PADI4: variants seen among roughly 807,000 people sequenced by gnomAD.
PADI4 encodes protein-arginine deiminase type-4.
In PADI4, 62 loss-of-function variants were observed where a neutral mutation model predicts 75.0. The ratio of observed to expected loss-of-function variants is 0.83; its 90% CI spans 0.67 to 1.02. The LOEUF (loss-of-function observed/expected upper bound fraction) is 1.02, where lower values mean the gene tolerates loss of function less well. Ranked by LOEUF, PADI4 falls within the 50% of genes least tolerant of loss-of-function variation. The pLI, the probability that PADI4 is intolerant of heterozygous loss-of-function variation, is 0.00. For missense variants in PADI4, 845 were observed against 850.5 expected, an observed-to-expected ratio of 0.99 and a Z score of 0.08; for synonymous variants, 361 against 348.1, an observed-to-expected ratio of 1.04 and a Z score of -0.41.
Position 17,356,432 on chromosome 1 carries a change from G to T in PADI4, c.1531G>T (p.Glu511Ter). ...GGAGCAGCAGAATGAGGGCCACGGGGAGGCCCTGCTGTTCGAAGGGATCAA... is the reference window on the plus strand; with the variant it reads ...GGAGCAGCAGAATGAGGGCCACGGGTAGGCCCTGCTGTTCGAAGGGATCAA... ...FQEQQNEGHG[E>*]ALLFEGIKKK... The change falls in exon 13 of 16, where the codon GAG becomes TAG. Residue 511 changes from glutamate to a stop codon, truncating the protein, a stop_gained. Coordinates refer to ENST00000375448, the MANE Select transcript of PADI4 (RefSeq NM_012387.3). LOFTEE classifies it high-confidence loss of function. The surrounding 1 kb of genome is among the most constrained non-coding windows in gnomAD (Gnocchi z 4.1). The T allele has an allele frequency of 6.2e-7, 1 of 1,612,592 alleles. No homozygotes were observed. Among genetic ancestry groups the T allele is most frequent in the Non-Finnish European group, 8.5e-7 (1 of 1,178,678 alleles).
intron 10 of PADI4, among the ~76,000 whole-genome samples, chr1:17,352,005 A>ATAGGAGG (rs199739267): frequency 9.4e-5 from 2 of 21,200 alleles, no homozygotes; most frequent in African/African-American, 7.1e-4. Flanking sequence ...CAGGGAGGTG[A>ATAGGAGG]TGGGAGGAGA....
chr1:17,318,898 C>CAGG (rs1227634669), intron 1 of PADI4, among the ~76,000 whole-genome samples: 2 of 152,044 alleles, frequency 1.3e-5, no homozygotes, highest in Non-Finnish European at 2.9e-5. Context: ...CCATGTTAGC[C>CAGG]AGGATGGTCT....
At position 17,346,528 on chromosome 1, in the gene PADI4, C is replaced by T. The variant is rs949302653; in HGVS notation, c.1047+389C>T. On this transcript the variant is annotated intron_variant, in intron 9 of 15. Coordinates refer to ENST00000375448, the MANE Select transcript of PADI4 (RefSeq NM_012387.3). This position sits in a 1 kb window ranked among gnomAD's most constrained non-coding sequence, Gnocchi z 4.3. The stretch of plus-strand genomic sequence containing the variant: ...CAGCTCCAGCACTTTCCATGGCTCC[C>T]ATCTCCTCCTGCTTAGTCTGTTTCC... 1.3e-5 allele frequency among the ~76,000 whole-genome samples: 2 copies of T among 152,188 alleles called. No individual in the cohort carries two copies. The highest frequency in any genetic ancestry group is 4.8e-5 in the African/African-American group (2 of 41,446).
At chr1:17,330,767 C>T (rs540570905) in intron 1 of PADI4, among the ~76,000 whole-genome samples, 1 of 152,290 alleles carries the variant, frequency 6.6e-6, no homozygotes, top group Admixed American at 6.5e-5. Context: ...GGTGGGTCTT[C>T]CTCTCCCAGT....
intron 10 of PADI4, among the ~76,000 whole-genome samples, chr1:17,352,079 CAGT>C (rs1557577000): frequency 4.3e-4 from 55 of 127,966 alleles, no homozygotes; most frequent in Non-Finnish European, 6.3e-4. Flanking sequence ...GGAAGAGAGG[CAGT>C]CAGGGAGGTG....
chr1:17,339,227 C>G (rs1450936518), intron 5 of PADI4, among the ~76,000 whole-genome samples: 1 of 152,158 alleles, frequency 6.6e-6, no homozygotes, highest in East Asian at 1.9e-4. Context: ...CTCTCCCCAC[C>G]CTCTACCCCT....
intron 1 of PADI4, among the ~76,000 whole-genome samples, chr1:17,310,624 C>CA (rs34364752): frequency 0.12 from 17,928 of 149,908 alleles, 1,269 homozygotes; most frequent in Non-Finnish European, 0.16. Context: ...GACTCTGTCT[C>CA]AAAAAAAAAG....
chr1:17,349,252 A>C (rs1052890636), intron 10 of PADI4, among the ~76,000 whole-genome samples: 1 of 152,196 alleles, frequency 6.6e-6, no homozygotes, highest in East Asian at 1.9e-4. Context: ...TGATGCTCCA[A>C]GTATAACAAA....
intron 1 of PADI4, among the ~76,000 whole-genome samples, chr1:17,325,854 G>A (rs1305355625): frequency 3.3e-5 from 5 of 151,870 alleles, no homozygotes; most frequent in Non-Finnish European, 5.9e-5. Flanking sequence ...GATTACAGAC[G>A]TGCACTACCC....
Position 17,363,871 on chromosome 1 carries a change from A to G in PADI4, c.*116A>G. Reference sequence around the variant, plus strand: ...CTCCCTGGGGGCGGCCAGCCCTCCCAGCAGTGGCTTGCTTTCTTCTCCTGT... The same window carrying G: ...CTCCCTGGGGGCGGCCAGCCCTCCCGGCAGTGGCTTGCTTTCTTCTCCTGT... On this transcript the variant is annotated 3_prime_UTR_variant, in exon 16 of 16. Transcript: ENST00000375448. The G allele has an allele frequency of 1.5e-6, 1 of 668,450 alleles. No homozygotes were observed. Among genetic ancestry groups the G allele is most frequent in the Non-Finnish European group, 2.6e-6 (1 of 379,352 alleles). 41.4% of individuals were successfully genotyped at this position (668,450 alleles called of 1,614,324 possible). A position where few individuals can be genotyped will look rare whatever the true frequency, so the allele number is the denominator to read the frequency against.
intron 1 of PADI4, among the ~76,000 whole-genome samples, chr1:17,326,440 C>G (rs545406103): frequency 6.6e-6 from 1 of 152,230 alleles, no homozygotes; most frequent in African/African-American, 2.4e-5. Flanking sequence ...TACTTAATTT[C>G]CATTATTAAT....
At chr1:17,342,160 T>C in intron 7 of PADI4, 39 bp downstream of exon 7, 1 of 1,588,470 alleles carries the variant, frequency 6.3e-7, no homozygotes, top group Non-Finnish European at 8.6e-7. Context: ...GGGCCTGGGC[T>C]TCCAGGCAGT....
At chr1:17,311,096 CAAAA>C (rs34285885) in intron 1 of PADI4, among the ~76,000 whole-genome samples, 1 of 103,638 alleles carries the variant, frequency 9.6e-6, no homozygotes, top group Non-Finnish European at 2.1e-5. Flanking sequence ...GTCTCCGTCT[CAAAA>C]AAAAAAAAAA....
At chr1:17,359,233 C>CCCCCAGCCCAAA in intron 14 of PADI4, 47 bp from the exon 15 acceptor site, 1 of 829,534 alleles carries the variant, frequency 1.2e-6, no homozygotes, top group Non-Finnish European at 1.9e-6. Context: ...ACCCCCACCC[C>CCCCCAGCCCAAA]CGACTGCCAT....
At chr1:17,331,834 C>T (rs1200922594) in intron 2 of PADI4, among the ~76,000 whole-genome samples, 3 of 152,180 alleles carry the variant, frequency 2.0e-5, no homozygotes, top group African/African-American at 7.2e-5. Flanking sequence ...AGGAGAATCT[C>T]TTGAACCCGG....
intron 1 of PADI4, among the ~76,000 whole-genome samples, chr1:17,327,584 C>A (rs559350508): frequency 1.6e-3 from 244 of 151,608 alleles, no homozygotes; most frequent in Non-Finnish European, 3.2e-3. Context: ...CTTTGTCACC[C>A]AGGCTGGAGT....
In PADI4 at chr1:17,323,554, G is replaced by A. The variant is rs539499524; in HGVS notation, c.93-7415G>A. ...ATAAAAATAGAAAATGTAATCCTAA[G>A]CCAGGTACTGTGATTCATGCCTGTA... On this transcript the variant is annotated intron_variant, in intron 1 of 15. Transcript: ENST00000375448. 1.5e-3 allele frequency among the ~76,000 whole-genome samples: 228 copies of A among 152,306 alleles called. 1 individual carries two copies. The highest frequency in any genetic ancestry group is 2.8e-3 in the Non-Finnish European group (190 of 68,030).
In PADI4 at chr1:17,346,586, G is replaced by C. The variant is rs1211352173; in HGVS notation, c.1047+447G>C. ...CTCAGCCTGCCTGGTTCCCTTCCCT[G>C]GGGCCAGCCTGCCACTGTGCCTGGA... On this transcript the variant is annotated intron_variant, in intron 9 of 15. Transcript: ENST00000375448. This position sits in a 1 kb window ranked among gnomAD's most constrained non-coding sequence, Gnocchi z 4.3. 2.0e-5 allele frequency among the ~76,000 whole-genome samples: 3 copies of C among 152,044 alleles called. No individual in the cohort carries two copies. The highest frequency in any genetic ancestry group is 4.4e-5 in the Non-Finnish European group (3 of 67,998).
intron 1 of PADI4, 98 bp downstream of exon 1, chr1:17,308,412 G>A: frequency 4.3e-6 from 4 of 932,130 alleles, no homozygotes; most frequent in Non-Finnish European, 6.7e-6. Context: ...CCAGGCTCTA[G>A]GCTCCAGCCT....
Sources: gnomAD v4.1 joint callset for allele counts (sites outside exome capture counted in the v4.1 genomes callset) on GRCh38, gnomAD v4.1.1 for gene constraint, Gnocchi (gnomAD v3.1) non-coding constraint, MANE v1.5 for transcripts, NCBI Gene and HGNC (gene_info 2026-07-23, HGNC 2026-07-21) for gene names.